DGKZ: variants seen among roughly 807,000 people sequenced by gnomAD.
DGKZ encodes the protein diacylglycerol kinase zeta.
In DGKZ, 45 loss-of-function variants were observed where a neutral mutation model predicts 142.5. That is an observed-to-expected ratio of 0.32 (90% CI 0.25 to 0.40). The LOEUF (loss-of-function observed/expected upper bound fraction) is 0.40, where lower values mean the gene tolerates loss of function less well. Ranked by LOEUF, DGKZ falls within the 10% of genes least tolerant of loss-of-function variation. The pLI is 1.00. For missense variants in DGKZ, 755 were observed against 1,306.5 expected, an observed-to-expected ratio of 0.58 and a Z score of 6.51; for synonymous variants, 442 against 527.0, an observed-to-expected ratio of 0.84 and a Z score of 2.21.
rs200019443 is a variant in DGKZ, at chr11:46,374,902, T to G, written c.1599-32T>G. On this transcript the variant is annotated intron_variant, in intron 18 of 30. Coordinates refer to ENST00000527911, the Ensembl canonical transcript of DGKZ. ...TGTCCTTGTCCTGCAGAGACTGTGTTTTGAGGCCCATGTCATCGCCCGCCT... is the reference window on the plus strand; with the variant it reads ...TGTCCTTGTCCTGCAGAGACTGTGTGTTGAGGCCCATGTCATCGCCCGCCT... 2.5e-6 allele frequency: 4 copies of G among 1,573,590 alleles called. No homozygotes were observed. In the East Asian group the frequency reaches 9.0e-5, roughly 35 times the overall value.
At chr11:46,352,392 C>G (rs917168880) in intron 1 of DGKZ, among the ~76,000 whole-genome samples, 1 of 152,164 alleles carries the variant, frequency 6.6e-6, no homozygotes, top group South Asian at 2.1e-4. Flanking sequence ...CACAGGCACT[C>G]GCTGGAAGTT....
intron 19 of DGKZ, 151 bp downstream of exon 19, chr11:46,375,196 C>A: frequency 4.7e-6 from 4 of 844,230 alleles, no homozygotes; most frequent in South Asian, 1.8e-5. Context: ...CACCTACCCC[C>A]TCTCCTCACT....
chr11:46,352,092 G>T (rs1397556509), intron 1 of DGKZ, among the ~76,000 whole-genome samples: 1 of 152,208 alleles, frequency 6.6e-6, no homozygotes, highest in Non-Finnish European at 1.5e-5. Context: ...TGCCCTCCTC[G>T]GCTCCCTGGA....
At chr11:46,357,673 G>A (rs1338461065) in intron 1 of DGKZ, among the ~76,000 whole-genome samples, 6 of 152,218 alleles carry the variant, frequency 3.9e-5, no homozygotes, top group South Asian at 2.1e-4. Context: ...ACCTGGCCCC[G>A]GCCCCCCAGG....
chr11:46,375,459 G>A (rs1411477845), exon 20 of DGKZ: 1 of 1,580,382 alleles, frequency 6.3e-7, no homozygotes, highest in Non-Finnish European at 8.5e-7. Context: ...CGGACACGGC[G>A]AGCGGCTGAC....
intron 1 of DGKZ, among the ~76,000 whole-genome samples, chr11:46,358,113 C>T (rs1386540085): frequency 6.6e-6 from 1 of 152,122 alleles, no homozygotes; most frequent in African/African-American, 2.4e-5. Flanking sequence ...TCAGAGATAC[C>T]CTGGTTCCTG....
In DGKZ at chr11:46,378,181, A is replaced by G. The variant is rs758831862; in HGVS notation, c.2343-17A>G. 8.1e-6 allele frequency: 13 copies of G among 1,608,396 alleles called. No homozygotes were observed. The highest frequency in any genetic ancestry group is 9.3e-6 in the Non-Finnish European group (11 of 1,178,070). On this transcript the variant is annotated splice_polypyrimidine_tract_variant and intron_variant, in intron 25 of 30. Transcript: ENST00000527911. ...CCTGTGCCGTAGCCGGTCACAGCAC[A>G]TCATGCTCTGTTGCAGGTCACTGCA... is the stretch of plus-strand genomic sequence containing the variant.
At position 46,371,588 on chromosome 11, in the gene DGKZ, C is replaced by T. The variant is rs542722854; in HGVS notation, c.744C>T (p.Arg248=). Residue 248 remains arginine (R), a synonymous_variant, in exon 8 of 31, where the codon CGC becomes CGT. Coordinates refer to ENST00000527911, the Ensembl canonical transcript of DGKZ. ...TCATCCCGCCCACCTGGATCCTCCG[C>T]GCCCGGAGGCCCCAGGTGAGTACTG... 403 of 1,610,266 alleles carry T rather than the reference C, an allele frequency of 2.5e-4. No homozygotes were observed. Among genetic ancestry groups the T allele is most frequent in the South Asian group, 5.3e-4 (48 of 90,838 alleles).
At chr11:46,373,717 T>G (rs1944243630) in intron 14 of DGKZ, among the ~76,000 whole-genome samples, 1 of 152,124 alleles carries the variant, frequency 6.6e-6, no homozygotes, top group Non-Finnish European at 1.5e-5. Flanking sequence ...AGCCTGGTTT[T>G]GAACTCCTGA....
At chr11:46,336,482 T>C (rs373338909) in intron 1 of DGKZ, among the ~76,000 whole-genome samples, 5 of 152,182 alleles carry the variant, frequency 3.3e-5, no homozygotes, top group African/African-American at 1.2e-4. Context: ...AATCCCAGCA[T>C]TTCTGGAGGC....
intron 1 of DGKZ, chr11:46,366,162 G>A: frequency 7.1e-7 from 1 of 1,415,754 alleles, no homozygotes; most frequent in East Asian, 2.7e-5. Context: ...TCATGGGGCA[G>A]AGGCTGTGAA....
intron 14 of DGKZ, among the ~76,000 whole-genome samples, chr11:46,373,631 G>C (rs963753804): frequency 4.6e-5 from 7 of 152,012 alleles, no homozygotes; most frequent in Admixed American, 2.0e-4. Flanking sequence ...CTGAGTAGCT[G>C]GGACTACAGG....
upstream of DGKZ, chr11:46,345,124 A>G (rs973576307): frequency 7.5e-6 from 4 of 530,816 alleles, no homozygotes; most frequent in Non-Finnish European, 1.1e-5. The surrounding 1 kb of genome is among the most constrained non-coding windows in gnomAD (Gnocchi z 4.1). Flanking sequence ...AGAGTTGAAA[A>G]TCAGACAGTT....
chr11:46,372,816 C>T lies in DGKZ; in HGVS notation c.1117C>T (p.Pro373Ser). The stretch of plus-strand genomic sequence containing the variant: ...CCTGGACCAGCTACGCCTGAAGCCG[C>T]CACCCCCTGTTGCCATCCTGCCCCT... Residue 373 changes from proline to serine, a missense_variant, in exon 13 of 31, where the codon CCA becomes TCA. Physicochemically the swap from Pro to Ser is moderately conservative, Grantham distance 74 (BLOSUM62 -1). Around this residue, in one of 8 missense-constraint regions of DGKZ, gnomAD observed 191 missense variants for 472.1 expected, o/e 0.40. Transcript: ENST00000527911. The surrounding 1 kb of genome is among the most constrained non-coding windows in gnomAD (Gnocchi z 5.9). 6.2e-7 allele frequency: 1 copy of T among 1,603,458 alleles called. No individual in the cohort carries two copies. Among genetic ancestry groups the T allele is most frequent in the East Asian group, 2.3e-5 (1 of 44,260 alleles).
exon 31 of DGKZ, chr11:46,380,264 A>C (rs1945066957): frequency 4.4e-6 from 1 of 227,322 alleles, no homozygotes; most frequent in Non-Finnish European, 8.7e-6. Context: ...CCAGGAGTGG[A>C]GGGGCTGGAG....
In DGKZ at chr11:46,370,050, G is replaced by C. The variant is rs372517812; in HGVS notation, c.570+41G>C. 3.7e-5 allele frequency: 59 copies of C among 1,611,598 alleles called. No individual in the cohort carries two copies. In the East Asian group the frequency reaches 1.3e-3, roughly 35 times the overall value. ...CGAGGACATCGCCACCTGCACCTGC[G>C]GTCCTGAGCCCAGGCCATGTGGCCG... On this transcript the variant is annotated intron_variant, in intron 6 of 30. Coordinates refer to ENST00000527911, the Ensembl canonical transcript of DGKZ.
At chr11:46,370,633 G>A (rs1666486103) in intron 6 of DGKZ, among the ~76,000 whole-genome samples, 1 of 152,218 alleles carries the variant, frequency 6.6e-6, no homozygotes, top group Admixed American at 6.5e-5. Flanking sequence ...TCGGGGGTAG[G>A]AAGGAGGGAA....
chr11:46,369,787 C>G (rs958071706), intron 5 of DGKZ, 154 bp from the exon 6 acceptor site: 17 of 929,770 alleles, frequency 1.8e-5, no homozygotes, highest in Non-Finnish European at 2.8e-5. Context: ...GAGCCTCCCC[C>G]AGGCCATGAA....
intron 6 of DGKZ, 103 bp downstream of exon 6, chr11:46,370,112 CAG>C: frequency 7.0e-7 from 1 of 1,438,246 alleles, no homozygotes; most frequent in Non-Finnish European, 9.8e-7. Context: ...CCCTGGTGTG[CAG>C]AGTCCGGGGC....
Sources: allele counts gnomAD v4.1 joint callset (sites outside exome capture counted in the v4.1 genomes callset), GRCh38; gene constraint gnomAD v4.1.1; regional missense constraint gnomAD v4.1.1; non-coding constraint Gnocchi (gnomAD v3.1); transcripts MANE v1.5; gene names NCBI Gene and HGNC (gene_info 2026-07-23, HGNC 2026-07-21).